Variants in RALYL observed in about 807,000 individuals in gnomAD.
RALYL encodes RNA-binding Raly-like protein.
Under a neutral mutation model 35.1 loss-of-function variants are expected in RALYL, and 29 were observed. The ratio of observed to expected loss-of-function variants is 0.83; its 90% CI spans 0.61 to 1.13. The LOEUF (loss-of-function observed/expected upper bound fraction) is 1.13. Among genes scored for constraint, RALYL ranks in the 50% most tolerant of loss-of-function variants. RALYL has a pLI of 0.00. For synonymous variants in RALYL, 120 were observed against 127.6 expected, an observed-to-expected ratio of 0.94 and a Z score of 0.40; for missense variants, 359 against 360.4, an observed-to-expected ratio of 1.00 and a Z score of 0.03.
chr8:84,209,163 A>G (rs1465782588), intron 1 of RALYL, among the ~76,000 whole-genome samples: 1 of 150,852 alleles, frequency 6.6e-6, no homozygotes, highest in East Asian at 1.9e-4. Context: ...AAGAAAAACT[A>G]TGCATGCGAG....
At chr8:84,907,584 G>T (rs7838940) in intron 8 of RALYL, among the ~76,000 whole-genome samples, 68,915 of 151,848 alleles carry the variant, frequency 0.45, 18,395 homozygotes, top group African/African-American at 0.73. Context: ...GAATCAACCT[G>T]CAGTCAGGGT....
intron 2 of RALYL, among the ~76,000 whole-genome samples, chr8:84,621,470 G>A (rs771790094): frequency 8.5e-5 from 13 of 152,064 alleles, no homozygotes; most frequent in East Asian, 3.9e-4. Flanking sequence ...CACAGTGCAC[G>A]CACCCACTGA....
chr8:84,402,170 T>C (rs896673877), intron 1 of RALYL, among the ~76,000 whole-genome samples: 1 of 152,206 alleles, frequency 6.6e-6, no homozygotes, highest in Admixed American at 6.5e-5. Flanking sequence ...TTTATTTAAA[T>C]TATTGTTCCT....
At chr8:84,265,138 G>T (rs1043174554) in intron 1 of RALYL, among the ~76,000 whole-genome samples, 1 of 152,088 alleles carries the variant, frequency 6.6e-6, no homozygotes, top group Non-Finnish European at 1.5e-5. Flanking sequence ...GTCCTTGTTG[G>T]TGTACACATA....
At chr8:84,832,379 A>C (rs1431558071) in intron 4 of RALYL, among the ~76,000 whole-genome samples, 1 of 152,056 alleles carries the variant, frequency 6.6e-6, no homozygotes, top group Non-Finnish European at 1.5e-5. Flanking sequence ...TTTTCTAATG[A>C]GATTAGGTCT....
intron 1 of RALYL, among the ~76,000 whole-genome samples, chr8:84,266,115 T>TA (rs1171739958): frequency 2.0e-5 from 3 of 152,202 alleles, no homozygotes; most frequent in Non-Finnish European, 4.4e-5. Flanking sequence ...TTACATTTAT[T>TA]ATGTCTCATA....
chr8:84,865,524 A>T (rs552192757), intron 6 of RALYL, among the ~76,000 whole-genome samples: 2 of 152,326 alleles, frequency 1.3e-5, no homozygotes, highest in Admixed American at 1.3e-4. Context: ...CTTTAAATAG[A>T]TTGCCACTAG....
At chr8:84,906,165 C>T (rs1251943139) in intron 8 of RALYL, among the ~76,000 whole-genome samples, 1 of 152,054 alleles carries the variant, frequency 6.6e-6, no homozygotes, top group Non-Finnish European at 1.5e-5. Flanking sequence ...ACTTCTGTGG[C>T]CTAAGTATTT....
chr8:84,484,763 A>G (rs555584235), intron 1 of RALYL, among the ~76,000 whole-genome samples: 1 of 152,300 alleles, frequency 6.6e-6, no homozygotes, highest in East Asian at 1.9e-4. Flanking sequence ...TTAATTATCA[A>G]CATTAACTAA....
intron 5 of RALYL, among the ~76,000 whole-genome samples, chr8:84,855,813 C>T (rs1180740754): frequency 6.6e-6 from 1 of 152,070 alleles, no homozygotes; most frequent in Non-Finnish European, 1.5e-5. Flanking sequence ...GATAAGGAGA[C>T]TTTTATTAAC....
chr8:84,393,762 G>T (rs188503932), intron 1 of RALYL, among the ~76,000 whole-genome samples: 19 of 152,122 alleles, frequency 1.2e-4, no homozygotes, highest in Admixed American at 1.2e-3. Context: ...CCATATATCT[G>T]GGAATTTATT....
intron 1 of RALYL, among the ~76,000 whole-genome samples, chr8:84,215,012 T>A (rs1035620588): frequency 6.6e-6 from 1 of 151,930 alleles, no homozygotes; most frequent in African/African-American, 2.4e-5. Flanking sequence ...TTCATGCCAT[T>A]CTCCTGCCTC....
In RALYL at chr8:84,383,782, T is replaced by TA. The variant is rs201551975; in HGVS notation, c.-23-145502dup. Among the ~76,000 whole-genome samples the TA allele has an allele frequency of 7.1e-3, 910 of 128,960 alleles. 5 individuals are homozygous for TA. Among genetic ancestry groups the TA allele is most frequent in the African/African-American group, 9.6e-3 (343 of 35,654 alleles). The allele number at this position is 128,960 out of a possible 152,430, so 84.6% of individuals were successfully genotyped here. ...GGTGATTGATTTGAGACAGTTACATTAAAAAAAAAAAAAAAGTGGCCAAAC... is the reference window on the plus strand; with the variant it reads ...GGTGATTGATTTGAGACAGTTACATTAAAAAAAAAAAAAAAAGTGGCCAAAC... On this transcript the variant is annotated intron_variant, in intron 1 of 8. Transcript: ENST00000521268.
intron 2 of RALYL, among the ~76,000 whole-genome samples, chr8:84,659,607 C>G (rs992459472): frequency 1.3e-5 from 2 of 151,920 alleles, no homozygotes; most frequent in Non-Finnish European, 2.9e-5. Context: ...GCAGCAAATA[C>G]AAGAAAATAA....
chr8:84,386,260 T>C (rs1177724599), intron 1 of RALYL, among the ~76,000 whole-genome samples: 1 of 151,916 alleles, frequency 6.6e-6, no homozygotes, highest in Admixed American at 6.6e-5. Context: ...TTTCCTACCA[T>C]ATTTTGCTAC....
intron 2 of RALYL, among the ~76,000 whole-genome samples, chr8:84,691,116 A>C (rs10958223): frequency 0.052 from 7,967 of 152,164 alleles, 470 homozygotes; most frequent in African/African-American, 0.14. Context: ...CATGTCTGGC[A>C]TTTATTAAAC....
intron 2 of RALYL, among the ~76,000 whole-genome samples, chr8:84,680,819 T>C (rs941311995): frequency 2.0e-5 from 3 of 152,026 alleles, no homozygotes; most frequent in Admixed American, 6.6e-5. Flanking sequence ...ACTCTGTTGG[T>C]AGTTTCTTTT....
chr8:84,463,813 T>A (rs1018774794), intron 1 of RALYL, among the ~76,000 whole-genome samples: 2 of 152,094 alleles, frequency 1.3e-5, no homozygotes, highest in South Asian at 4.1e-4. Flanking sequence ...ACCATTCTAT[T>A]GATTTTAACA....
At chr8:84,362,257 G>T (rs192874128) in intron 1 of RALYL, among the ~76,000 whole-genome samples, 2 of 152,218 alleles carry the variant, frequency 1.3e-5, no homozygotes, top group East Asian at 1.9e-4. Flanking sequence ...TTTAGAATAT[G>T]GATCACTAGC....
Sources: allele counts gnomAD v4.1 joint callset (sites outside exome capture counted in the v4.1 genomes callset), GRCh38; gene constraint gnomAD v4.1.1; transcripts MANE v1.5; gene names NCBI Gene and HGNC (gene_info 2026-07-23, HGNC 2026-07-21).